DNAH14: variants seen among roughly 807,000 people sequenced by gnomAD.
DNAH14 encodes axonemal beta dynein heavy chain 14.
A neutral mutation model predicts 520.9 loss-of-function variants in DNAH14; 478 were observed. That is an observed-to-expected ratio of 0.92 (90% CI 0.85 to 0.99). DNAH14 has a LOEUF of 0.99. Among genes scored for constraint, DNAH14 ranks in the 50% least tolerant of loss-of-function variants. DNAH14 has a pLI of 0.00. For missense variants in DNAH14, 4,831 were observed against 5,234.5 expected, an observed-to-expected ratio of 0.92 and a Z score of 2.38; for synonymous variants, 1,581 against 1,757.2, an observed-to-expected ratio of 0.90 and a Z score of 2.51.
chr1:225,219,386 TAA>T (rs796374571), intron 41 of DNAH14, among the ~76,000 whole-genome samples: 5 of 134,900 alleles, frequency 3.7e-5, no homozygotes, highest in Admixed American at 7.5e-5. Context: ...GGAGCTGGTT[TAA>T]AAAAAAAAAA....
At chr1:225,086,501 C>A (rs1382169906) in intron 21 of DNAH14, among the ~76,000 whole-genome samples, 3 of 151,722 alleles carry the variant, frequency 2.0e-5, no homozygotes, top group African/African-American at 7.3e-5. Flanking sequence ...TAGTAAGTAG[C>A]AAAATTAACA....
intron 75 of DNAH14, among the ~76,000 whole-genome samples, chr1:225,361,497 T>C (rs1222503699): frequency 6.6e-6 from 1 of 152,274 alleles, no homozygotes; most frequent in Non-Finnish European, 1.5e-5. Context: ...TTACATTCTA[T>C]AGTTTTTCTC....
chr1:225,320,333 A>AG (rs1345646140), intron 61 of DNAH14, among the ~76,000 whole-genome samples: 2 of 152,204 alleles, frequency 1.3e-5, no homozygotes, highest in East Asian at 3.9e-4. Flanking sequence ...TGCTCAATAA[A>AG]GGTTACTTTC....
chr1:225,130,222 G>T (rs2078241831), intron 27 of DNAH14, among the ~76,000 whole-genome samples: 1 of 152,144 alleles, frequency 6.6e-6, no homozygotes, highest in Non-Finnish European at 1.5e-5. Context: ...CTGTTGGTGG[G>T]ACTGTAAACT....
At chr1:225,063,424 A>G (rs2070437912) in intron 17 of DNAH14, among the ~76,000 whole-genome samples, 1 of 152,048 alleles carries the variant, frequency 6.6e-6, no homozygotes, top group Admixed American at 6.6e-5. Context: ...GTTGTTTTTT[A>G]AAAACACTTT....
intron 8 of DNAH14, among the ~76,000 whole-genome samples, chr1:224,985,548 TCA>T (rs2062572345): frequency 6.6e-6 from 1 of 151,416 alleles, no homozygotes; most frequent in Admixed American, 6.6e-5. Context: ...CACCAGGTTC[TCA>T]CAGATCTCCA....
chr1:225,359,851 T>C (rs952767484), intron 74 of DNAH14, among the ~76,000 whole-genome samples: 2 of 152,264 alleles, frequency 1.3e-5, no homozygotes, highest in African/African-American at 4.8e-5. Context: ...TTTAATTTTG[T>C]TTCATTTTAA....
At chr1:225,136,568 C>G (rs1025809588) in intron 27 of DNAH14, among the ~76,000 whole-genome samples, 1 of 152,096 alleles carries the variant, frequency 6.6e-6, no homozygotes, top group Admixed American at 6.6e-5. Flanking sequence ...TAGCTTTTCT[C>G]TCTGGTTGCC....
chr1:225,057,436 A>G (rs1039846907), intron 17 of DNAH14, among the ~76,000 whole-genome samples: 7 of 152,108 alleles, frequency 4.6e-5, no homozygotes, highest in Non-Finnish European at 8.8e-5. Flanking sequence ...GGGCTGAGAC[A>G]ATGGGGTTTT....
At chr1:225,088,098 T>C (rs1423906966) in intron 21 of DNAH14, among the ~76,000 whole-genome samples, 1 of 152,150 alleles carries the variant, frequency 6.6e-6, no homozygotes, top group Non-Finnish European at 1.5e-5. Flanking sequence ...CTCAAGACTA[T>C]AGGAATATAA....
chr1:225,050,251 T>A lies in DNAH14; in HGVS notation c.1954T>A (p.Phe652Ile). 6.5e-7 allele frequency: 1 copy of A among 1,549,362 alleles called. No homozygotes were observed. Residue 652 changes from phenylalanine (F) to isoleucine (I), a missense_variant, in exon 16 of 86, where the codon TTC (phenylalanine) becomes ATC (isoleucine). By Grantham distance (21) the Phe-to-Ile change is conservative. Transcript: ENST00000682510. Reference protein sequence around the residue: ...PLCQDPQLSIFIDLVSIMDLP... With the variant: ...PLCQDPQLSIIIDLVSIMDLP... ...TTGCCAAGATCCCCAGCTGTCTATC[T>A]TCATTGATTTGGTTTCAATAATGGA...
chr1:225,169,262 G>A (rs1476806395), intron 36 of DNAH14, among the ~76,000 whole-genome samples: 1 of 152,216 alleles, frequency 6.6e-6, no homozygotes, highest in Admixed American at 6.5e-5. Flanking sequence ...AAGGAACGCA[G>A]CTCCTCACCA....
At chr1:225,260,211 A>C (rs1305344120) in intron 46 of DNAH14, among the ~76,000 whole-genome samples, 1 of 151,914 alleles carries the variant, frequency 6.6e-6, no homozygotes, top group African/African-American at 2.4e-5. Context: ...GATTAGCTGG[A>C]TGTGGTGGCA....
chr1:225,352,986 C>T (rs567718211), intron 72 of DNAH14, among the ~76,000 whole-genome samples: 3 of 151,972 alleles, frequency 2.0e-5, no homozygotes, highest in Non-Finnish European at 4.4e-5. Context: ...TAAAAGAATT[C>T]TTTATTGACC....
chr1:225,106,377 G>A (rs566590781), intron 23 of DNAH14, among the ~76,000 whole-genome samples: 143 of 144,040 alleles, frequency 9.9e-4, no homozygotes, highest in South Asian at 4.1e-3. Context: ...TGCTCTTCTC[G>A]AGGAGTATCT....
intron 46 of DNAH14, among the ~76,000 whole-genome samples, chr1:225,263,792 A>G (rs2093020580): frequency 6.6e-6 from 1 of 152,166 alleles, no homozygotes; most frequent in Non-Finnish European, 1.5e-5. Context: ...GAGTTTTAAC[A>G]ATAGAGAAAG....
chr1:225,243,512 AATT>A (rs2092094701), intron 43 of DNAH14, among the ~76,000 whole-genome samples: 1 of 152,166 alleles, frequency 6.6e-6, no homozygotes, highest in South Asian at 2.1e-4. Flanking sequence ...TCTCAGGGAA[AATT>A]ATTATGACCT....
At chr1:225,229,810 A>G (rs1347388034) in intron 41 of DNAH14, among the ~76,000 whole-genome samples, 1 of 152,194 alleles carries the variant, frequency 6.6e-6, no homozygotes, top group East Asian at 1.9e-4. Flanking sequence ...AGAAATACCT[A>G]ATGTCAATGA....
intron 17 of DNAH14, among the ~76,000 whole-genome samples, chr1:225,062,629 G>A (rs1474790577): frequency 6.6e-6 from 1 of 152,202 alleles, no homozygotes; most frequent in East Asian, 1.9e-4. Context: ...AGTTCACAAA[G>A]ATGAATTGGA....
Sources: allele counts gnomAD v4.1 joint callset (sites outside exome capture counted in the v4.1 genomes callset), GRCh38; gene constraint gnomAD v4.1.1; transcripts MANE v1.5; gene names NCBI Gene and HGNC (gene_info 2026-07-23, HGNC 2026-07-21).